The following SSB variants were observed in gnomAD, a reference collection of about 807,000 sequenced individuals.
The protein encoded by SSB is small RNA binding exonuclease protection factor La.
Under a neutral mutation model 52.9 loss-of-function variants are expected in SSB, and 17 were observed. The observed-to-expected ratio is 0.32, with a 90% CI of 0.22 to 0.48. The LOEUF is 0.48. Among genes scored for constraint, SSB ranks in the 20% least tolerant of loss-of-function variants. The pLI, the probability that SSB is intolerant of heterozygous loss-of-function variation, is 0.99. For missense variants in SSB, 314 were observed against 463.6 expected (o/e 0.68, Z 2.96); for synonymous variants, 111 against 152.1 (o/e 0.73, Z 1.99).
At chr2:169,810,157 G>A (rs79198580) in intron 8 of SSB, 126 bp from the exon 9 acceptor site, 27,540 of 511,544 alleles carry the variant, frequency 0.054, 882 homozygotes, top group East Asian at 0.1. Context: ...CCCGGCGGAA[G>A]AAACTACTTT....
intron 1 of SSB, 41 bp downstream of exon 1, chr2:169,799,017 T>G (rs1689642487): frequency 6.6e-6 from 1 of 151,964 alleles, no homozygotes; most frequent in Non-Finnish European, 1.5e-5. Flanking sequence ...TACAAAAGGG[T>G]CCGCTTTGCT....
chr2:169,803,274 T>G (rs1015225191), intron 2 of SSB, among the ~76,000 whole-genome samples: 2 of 152,176 alleles, frequency 1.3e-5, no homozygotes, highest in African/African-American at 4.8e-5. Context: ...ATTTATTTTT[T>G]GTGATGGAGT....
rs912335186 is a variant in SSB at position 169,802,047 on chromosome 2, G to C, written c.66+1021G>C. Among the ~76,000 whole-genome samples the C allele has an allele frequency of 1.4e-4, 21 of 152,202 alleles. No homozygotes were observed. The East Asian group carries it at 4.1e-3, about 29-fold the overall frequency. The stretch of plus-strand genomic sequence containing the variant: ...AAAATTTTAAAAATTAGCTGAGTGT[G>C]TTAGCAGTTTACCTGTAGTCCTAGC... On this transcript the variant is annotated intron_variant, in intron 2 of 11. Coordinates refer to ENST00000260956, the MANE Select transcript of SSB (RefSeq NM_003142.5).
chr2:169,811,675 G>T lies in SSB; in HGVS notation c.1146G>T (p.Val382=). Residue 382 remains valine, a synonymous_variant, in exon 12 of 12, where the codon GTG becomes GTT. Coordinates refer to ENST00000260956, the MANE Select transcript of SSB (RefSeq NM_003142.5). The stretch of plus-strand genomic sequence containing the variant: ...TTAATTGTTACGTTATAGGACCTGT[G>T]AAAAGAGCAAGAGAAGAAACAGACA... ...EHDENGATGP[V]KRAREETDKE... is the part of the protein sequence containing the mutation. The T allele has an allele frequency of 6.2e-7, 1 of 1,611,848 alleles. No individual in the cohort carries two copies. The highest frequency in any genetic ancestry group is 1.1e-5 in the South Asian group (1 of 90,710).
chr2:169,800,079 C>A (rs1297726437), intron 1 of SSB, among the ~76,000 whole-genome samples: 1 of 152,134 alleles, frequency 6.6e-6, no homozygotes, highest in Admixed American at 6.5e-5. Context: ...AGGCATACTC[C>A]CCAGTTTAAT....
chr2:169,810,795 A>G (rs774208642), intron 9 of SSB, 63 bp from the exon 10 acceptor site: 59 of 1,507,368 alleles, frequency 3.9e-5, no homozygotes, highest in Admixed American at 9.1e-5. Context: ...TACTTTGGAC[A>G]AAGAAATTAA....
Position 169,811,545 on chromosome 2 carries a change from T to A in SSB, c.1139-123T>A. On this transcript the variant is annotated intron_variant, in intron 11 of 11. Transcript: ENST00000260956. The stretch of plus-strand genomic sequence containing the variant: ...GGTCTGTACTAAGAGAAAAGCCTTT[T>A]CTCATTGGTGCAAGGAAGTTGTTGC... 4 of 1,399,156 alleles carry A rather than the reference T, an allele frequency of 2.9e-6. No homozygotes were observed. In the South Asian group the frequency reaches 6.0e-5, roughly 21 times the overall value. 86.7% of individuals were successfully genotyped at this position (1,399,156 alleles called of 1,614,324 possible).
chr2:169,808,826 T>C, intron 7 of SSB, 34 bp from the exon 8 acceptor site: 2 of 1,467,960 alleles, frequency 1.4e-6, no homozygotes, highest in Non-Finnish European at 1.9e-6. Context: ...ATATAGTAAA[T>C]AGAAGTATGT....
intron 7 of SSB, 31 bp downstream of exon 7, chr2:169,808,584 T>G: frequency 6.4e-7 from 1 of 1,565,612 alleles, no homozygotes; most frequent in South Asian, 1.1e-5. Context: ...ACGACATAAT[T>G]TGAATTCCTT....
chr2:169,808,635 T>G (rs1689879125), intron 7 of SSB, 82 bp downstream of exon 7: 1 of 1,313,944 alleles, frequency 7.6e-7, no homozygotes, highest in Admixed American at 1.8e-5. Flanking sequence ...TCTGAAATAG[T>G]GGCAGTAGAC....
intron 9 of SSB, 80 bp downstream of exon 9, chr2:169,810,503 T>A: frequency 7.7e-7 from 1 of 1,306,952 alleles, no homozygotes; most frequent in Non-Finnish European, 1.0e-6. Flanking sequence ...GAAAGTAATT[T>A]TAAAAATTGT....
chr2:169,799,914 G>A (rs1215085079), intron 1 of SSB, among the ~76,000 whole-genome samples: 1 of 152,230 alleles, frequency 6.6e-6, no homozygotes, highest in African/African-American at 2.4e-5. Context: ...ATGACTGGGT[G>A]GCTTAGTAGA....
intron 8 of SSB, among the ~76,000 whole-genome samples, chr2:169,809,358 G>A (rs996111852): frequency 6.6e-6 from 1 of 152,222 alleles, no homozygotes; most frequent in African/African-American, 2.4e-5. Flanking sequence ...TCCAGCCTGG[G>A]TGACAGAGTG....
intron 9 of SSB, 172 bp from the exon 10 acceptor site, chr2:169,810,686 G>A (rs1689931454): frequency 1.5e-6 from 1 of 688,616 alleles, no homozygotes; most frequent in South Asian, 2.1e-5. Context: ...TGTTCATACT[G>A]ATGATTGCAG....
intron 2 of SSB, among the ~76,000 whole-genome samples, chr2:169,805,244 C>T (rs1032785007): frequency 6.6e-6 from 1 of 152,094 alleles, no homozygotes; most frequent in Admixed American, 6.5e-5. Context: ...TAAATATATT[C>T]TTCTTTAAGG....
intron 8 of SSB, 163 bp downstream of exon 8, chr2:169,809,065 T>C: frequency 4.4e-6 from 3 of 679,114 alleles, no homozygotes; most frequent in Non-Finnish European, 8.1e-6. Flanking sequence ...AAGAGAAAAC[T>C]AAGGATAGGA....
In SSB at chr2:169,811,738, T is replaced by C. The variant is rs376300059; in HGVS notation, c.1209T>C (p.Asn403=). ...EPASKQQKTE[N]GAGDQ ...CATCCAAACAACAGAAAACAGAAAA[T>C]GGTGCTGGAGACCAGTAGTTTAGTA... The change falls in exon 12 of 12, where the codon AAT becomes AAC. Residue 403 remains asparagine, a synonymous_variant. Coordinates refer to ENST00000260956, the MANE Select transcript of SSB (RefSeq NM_003142.5). 3.7e-6 allele frequency: 6 copies of C among 1,613,348 alleles called. No homozygotes were observed. Among genetic ancestry groups the C allele is most frequent in the South Asian group, 1.1e-5 (1 of 91,004 alleles).
chr2:169,808,947 TAAATG>T (rs1689887206), intron 8 of SSB, 45 bp downstream of exon 8: 1 of 1,467,620 alleles, frequency 6.8e-7, no homozygotes, highest in Non-Finnish European at 9.5e-7. Context: ...AATTCGAAGT[TAAATG>T]AATAGCTTTT....
rs770032081 is a variant in SSB, at chr2:169,805,647, T to C, written c.171-18T>C. On this transcript the variant is annotated intron_variant, in intron 3 of 11. Coordinates refer to ENST00000260956, the MANE Select transcript of SSB (RefSeq NM_003142.5). ...GAGTGCTACTGCTGAGTCTTATGTT[T>C]TTATATGTACTCTTCAGGTTGAACC... 29 of 1,612,914 alleles carry C rather than the reference T, an allele frequency of 1.8e-5. No individual in the cohort carries two copies. Among genetic ancestry groups the C allele is most frequent in the Non-Finnish European group, 2.3e-5 (27 of 1,179,618 alleles).
Sources: allele counts gnomAD v4.1 joint callset (sites outside exome capture counted in the v4.1 genomes callset), GRCh38; gene constraint gnomAD v4.1.1; transcripts MANE v1.5; gene names NCBI Gene and HGNC (gene_info 2026-07-23, HGNC 2026-07-21).